The following CANX variants were observed in gnomAD, a reference collection of about 807,000 sequenced individuals.
CANX encodes epididymis secretory sperm binding protein.
In CANX, 14 loss-of-function variants were observed where a neutral mutation model predicts 75.7. That is an observed-to-expected ratio of 0.19 (90% CI 0.12 to 0.29). The LOEUF (loss-of-function observed/expected upper bound fraction) is 0.29, where lower values mean the gene tolerates loss of function less well. Ranked by LOEUF, CANX falls within the 10% of genes least tolerant of loss-of-function variation. The pLI, the probability that CANX is intolerant of heterozygous loss-of-function variation, is 1.00. For missense variants in CANX, 567 were observed against 713.2 expected, an observed-to-expected ratio of 0.79 and a Z score of 2.34; for synonymous variants, 227 against 236.9, an observed-to-expected ratio of 0.96 and a Z score of 0.38.
At chr5:179,684,589 C>T (rs886262169) in intron 1 of CANX, among the ~76,000 whole-genome samples, 2 of 151,896 alleles carry the variant, frequency 1.3e-5, no homozygotes, top group African/African-American at 2.4e-5. Flanking sequence ...ATCCACCCAC[C>T]TCGGCCTCCC....
At chr5:179,684,926 A>ATTTTTTTTTTTTTTTTTTTTTT (rs71001039) in intron 1 of CANX, among the ~76,000 whole-genome samples, 13 of 49,146 alleles carry the variant, frequency 2.6e-4, no homozygotes, top group Non-Finnish European at 4.1e-4. Flanking sequence ...CTAATTTTGT[A>ATTTTTTTTTTTTTTTTTTTTTT]TTTTTTTTTT....
chr5:179,694,503 C>A, upstream of CANX: 2 of 753,398 alleles, frequency 2.7e-6, 1 homozygote, highest in South Asian at 2.8e-5. Context: ...TTCGGAAATC[C>A]GCCCCAAGAT....
chr5:179,705,559 G>A lies in CANX; in HGVS notation c.-3-120G>A. ...CTTTCTTTATCTATGAAATGAAATA[G>A]TAAGTTCTTTTTAGCTCTGCGATTT... On this transcript the variant is annotated intron_variant, in intron 1 of 14. Coordinates refer to ENST00000247461, the MANE Select transcript of CANX (RefSeq NM_001746.4). 3 of 733,206 alleles carry A rather than the reference G, an allele frequency of 4.1e-6. No individual in the cohort carries two copies. In the South Asian group the frequency reaches 5.5e-5, roughly 14 times the overall value. The allele number at this position is 733,206 out of a possible 1,614,324, so 45.4% of individuals were successfully genotyped here. A position where few individuals can be genotyped will look rare whatever the true frequency, so the allele number is the denominator to read the frequency against.
chr5:179,705,434 A>G (rs1457451601), intron 1 of CANX, among the ~76,000 whole-genome samples: 1 of 152,162 alleles, frequency 6.6e-6, no homozygotes, highest in South Asian at 2.1e-4. Context: ...AATCCTCTCT[A>G]TATGAGGATG....
At chr5:179,712,790 C>G (rs1331504465) in intron 7 of CANX, among the ~76,000 whole-genome samples, 1 of 151,792 alleles carries the variant, frequency 6.6e-6, no homozygotes, top group Non-Finnish European at 1.5e-5. Context: ...GTGGCGTGAT[C>G]TTGGCCTACT....
chr5:179,726,712 G>A lies in CANX; in HGVS notation c.1678G>A (p.Gly560Ser), dbSNP rs200395157. The A allele has an allele frequency of 2.0e-4, 320 of 1,613,598 alleles. No homozygotes were observed. Among genetic ancestry groups the A allele is most frequent in the Non-Finnish European group, 2.6e-4 (310 of 1,179,664 alleles). The change falls in exon 14 of 15, where the codon GGT becomes AGT. Residue 560 changes from glycine to serine, a missense_variant. Gly to Ser is a moderately conservative substitution (Grantham distance 56). Coordinates refer to ENST00000247461, the MANE Select transcript of CANX (RefSeq NM_001746.4). ...EKQKSDAEED[G>S]GTVSQEEEDR... ...ACAGAAAAGTGATGCTGAAGAAGATGGTGGCACTGTCAGTCAAGAGGAGGA... is the reference window on the plus strand; with the variant it reads ...ACAGAAAAGTGATGCTGAAGAAGATAGTGGCACTGTCAGTCAAGAGGAGGA...
chr5:179,706,132 G>T (rs1777124980), intron 2 of CANX, 126 bp from the exon 3 acceptor site: 2 of 630,162 alleles, frequency 3.2e-6, no homozygotes, highest in South Asian at 2.1e-5. Flanking sequence ...AATTATATGG[G>T]TTGAATTTGA....
At position 179,716,148 on chromosome 5, in the gene CANX, T is replaced by C. The variant is rs761928551; in HGVS notation, c.765T>C (p.Ser255=). The change falls in exon 8 of 15, where the codon TCT becomes TCC. Residue 255 remains serine (S), a synonymous_variant. Coordinates refer to ENST00000247461, the MANE Select transcript of CANX (RefSeq NM_001746.4). ...DNSFEILVDQ[S]VVNSGNLLND... is the part of the protein sequence containing the mutation. ...GTTTTGAAATACTGGTTGACCAATC[T>C]GTGGTGAATAGTGGAAATCTGCTCA... 1.2e-6 allele frequency: 2 copies of C among 1,613,108 alleles called. No individual in the cohort carries two copies. Among genetic ancestry groups the C allele is most frequent in the South Asian group, 2.2e-5 (2 of 91,040 alleles).
chr5:179,698,692 G>A (rs528784035), upstream of CANX: 93 of 972,788 alleles, frequency 9.6e-5, no homozygotes, highest in African/African-American at 1.5e-3. Flanking sequence ...CCCGCCCCGA[G>A]ACGCGCGCGC....
Position 179,728,962 on chromosome 5 carries a change from T to G in CANX, c.*318T>G. The G allele has an allele frequency of 2.7e-6, 1 of 372,420 alleles. No individual in the cohort carries two copies. Among genetic ancestry groups the G allele is most frequent in the Non-Finnish European group, 5.1e-6 (1 of 197,444 alleles). 23.1% of individuals were successfully genotyped at this position (372,420 alleles called of 1,614,324 possible). On this transcript the variant is annotated 3_prime_UTR_variant, in exon 15 of 15. Transcript: ENST00000247461. Reference sequence around the variant, plus strand: ...ATAGAATGATAGAACTTTGCCAGTCTTTAAGATCTTGGCTTAATTTAATGT... The same window carrying G: ...ATAGAATGATAGAACTTTGCCAGTCGTTAAGATCTTGGCTTAATTTAATGT...
At chr5:179,679,676 G>A (rs1043892093) in intron 1 of CANX, among the ~76,000 whole-genome samples, 3 of 151,170 alleles carry the variant, frequency 2.0e-5, no homozygotes, top group Admixed American at 6.6e-5. Flanking sequence ...CTTTTTTTTT[G>A]AGACTGAGTC....
intron 2 of CANX, among the ~76,000 whole-genome samples, 164 bp from the exon 3 acceptor site, chr5:179,706,094 T>C (rs191126249): frequency 2.6e-5 from 4 of 152,358 alleles, no homozygotes; most frequent in Admixed American, 2.6e-4. Flanking sequence ...TATTGATCTC[T>C]CTGGCAGCCT....
intron 10 of CANX, among the ~76,000 whole-genome samples, chr5:179,722,073 A>G (rs1452702041): frequency 3.9e-5 from 6 of 152,176 alleles, no homozygotes; most frequent in Admixed American, 3.9e-4. Context: ...GCTCACGCCT[A>G]TAATCCCAGC....
chr5:179,708,271 A>C lies in CANX; in HGVS notation c.337A>C (p.Lys113Gln), dbSNP rs1175755473. ...GGAGGTAGAGGAAATGAAGGAGTCA[A>C]AGCTTCCAGGTGATAAAGGACTTGT... ...KWEVEEMKES[K>Q]LPGDKGLVLM... Residue 113 changes from lysine (K) to glutamine (Q), a missense_variant, in exon 5 of 15, where the codon AAG (lysine) becomes CAG (glutamine). By Grantham distance (53) the Lys-to-Gln change is moderately conservative (BLOSUM62 1). Coordinates refer to ENST00000247461, the MANE Select transcript of CANX (RefSeq NM_001746.4). 1.2e-6 allele frequency: 2 copies of C among 1,613,770 alleles called. No homozygotes were observed. Among genetic ancestry groups the C allele is most frequent in the Non-Finnish European group, 1.7e-6 (2 of 1,179,686 alleles).
At chr5:179,678,763 C>T (rs1562423725) in exon 1 of CANX, 2 of 1,537,098 alleles carry the variant, frequency 1.3e-6, no homozygotes, top group East Asian at 2.4e-5. Flanking sequence ...TGAGCAGTTC[C>T]TGCTGCAGCT....
intron 8 of CANX, among the ~76,000 whole-genome samples, chr5:179,718,073 C>T (rs116686390): frequency 0.017 from 2,652 of 152,254 alleles, 78 homozygotes; most frequent in African/African-American, 0.057. Context: ...GGTACGGTCA[C>T]GGCTCACTGC....
At position 179,712,914 on chromosome 5, in the gene CANX, ATTT is replaced by A. The variant is rs59991190; in HGVS notation, c.721+2860_721+2862del. 5.6e-5 allele frequency among the ~76,000 whole-genome samples: 8 copies of A among 141,596 alleles called. No homozygotes were observed. The East Asian group carries it at 1.4e-3, about 26-fold the overall frequency. The allele number at this position is 141,596 out of a possible 152,430, so 92.9% of individuals were successfully genotyped here. On this transcript the variant is annotated intron_variant, in intron 7 of 14. Transcript: ENST00000247461. ...AATTTTTCTTTTTTTTATTATTATT[ATTT>A]TTTTTTTTTTCCAGCTAATTTTTCT... is the stretch of plus-strand genomic sequence containing the variant.
At position 179,707,116 on chromosome 5, in the gene CANX, G is replaced by A. The variant is rs142452080; in HGVS notation, c.246-16G>A. ...ACTGTCATTTTAAGACTGATTTTGG[G>A]ATTTGTTATTTACAGGTGGATTTTA... is the stretch of plus-strand genomic sequence containing the variant. On this transcript the variant is annotated splice_polypyrimidine_tract_variant and intron_variant, in intron 3 of 14. Transcript: ENST00000247461. 5.5e-4 allele frequency: 846 copies of A among 1,530,620 alleles called. 1 individual carries two copies. Among genetic ancestry groups the A allele is most frequent in the East Asian group, 1.6e-3 (69 of 44,458 alleles). The allele number at this position is 1,530,620 out of a possible 1,614,324, so 94.8% of individuals were successfully genotyped here.
At chr5:179,681,527 A>T (rs1388222514) in intron 1 of CANX, among the ~76,000 whole-genome samples, 1 of 152,174 alleles carries the variant, frequency 6.6e-6, no homozygotes, top group Non-Finnish European at 1.5e-5. Context: ...GCTTGCTCTC[A>T]TGGGGAACTC....
Sources: gnomAD v4.1 joint callset for allele counts (sites outside exome capture counted in the v4.1 genomes callset) on GRCh38, gnomAD v4.1.1 for gene constraint, MANE v1.5 for transcripts, NCBI Gene and HGNC (gene_info 2026-07-23, HGNC 2026-07-21) for gene names.